LRRTM4: variants seen among roughly 807,000 people sequenced by gnomAD.
The protein encoded by LRRTM4 is leucine rich repeat transmembrane neuronal 4.
LRRTM4 carries 25 observed loss-of-function variants against 47.6 expected under a neutral mutation model. That is an observed-to-expected ratio of 0.53 (90% CI 0.38 to 0.73). LRRTM4 has a LOEUF of 0.73. LRRTM4 is among the 30% of genes least tolerant of loss of function. The probability of loss-of-function intolerance (pLI) is 0.00; values close to 1 mark genes in which losing one functional copy is unlikely to be tolerated. For missense variants in LRRTM4, 638 were observed against 713.4 expected (o/e 0.89, Z 1.20); for synonymous variants, 311 against 269.5 (o/e 1.15, Z -1.51).
chr2:76,780,338 T>A (rs1038123481), intron 3 of LRRTM4, among the ~76,000 whole-genome samples: 2 of 152,216 alleles, frequency 1.3e-5, no homozygotes, highest in Admixed American at 6.5e-5. Context: ...TTCTCCTGGA[T>A]AATCTCCTGC....
chr2:77,017,562 G>C (rs1376821389), intron 3 of LRRTM4, among the ~76,000 whole-genome samples: 1 of 152,080 alleles, frequency 6.6e-6, no homozygotes, highest in Non-Finnish European at 1.5e-5. Flanking sequence ...CATCTCTCAC[G>C]TGTTTGTGTA....
intron 3 of LRRTM4, among the ~76,000 whole-genome samples, chr2:76,913,311 T>TC (rs1674135122): frequency 6.6e-6 from 1 of 151,930 alleles, no homozygotes; most frequent in South Asian, 2.1e-4. Context: ...TACTGGGTAT[T>TC]TTTTTTTCTA....
chr2:77,237,908 G>C (rs1470938897), intron 3 of LRRTM4, among the ~76,000 whole-genome samples: 2 of 152,082 alleles, frequency 1.3e-5, no homozygotes, highest in African/African-American at 4.8e-5. Context: ...ACTGGCCATG[G>C]GGCTGGTTCT....
At chr2:77,010,078 G>T (rs1677811759) in intron 3 of LRRTM4, among the ~76,000 whole-genome samples, 2 of 151,702 alleles carry the variant, frequency 1.3e-5, no homozygotes, top group South Asian at 4.2e-4. Flanking sequence ...ATATGTTTTG[G>T]AATTGTTAAT....
At position 77,489,149 on chromosome 2, in the gene LRRTM4, T is replaced by G. The variant is rs965952022; in HGVS notation, c.1551+29169A>C. Among the ~76,000 whole-genome samples the G allele has an allele frequency of 2.0e-5, 3 of 152,200 alleles. 1 individual carries two copies. In the Middle Eastern group the frequency reaches 0.01, roughly 518 times the overall value. On this transcript the variant is annotated intron_variant, in intron 3 of 3. Coordinates refer to ENST00000409884, the MANE Select transcript of LRRTM4 (RefSeq NM_001134745.3). The stretch of plus-strand genomic sequence containing the variant: ...GCCAAATGGTCTCTATATATCTTGA[T>G]TTTTCAGTACTACTCTATGACGTTT...
intron 3 of LRRTM4, among the ~76,000 whole-genome samples, chr2:77,075,902 G>A (rs12623624): frequency 0.098 from 8,046 of 82,124 alleles, 459 homozygotes; most frequent in East Asian, 0.4. Context: ...GCGACAGAGC[G>A]AGACTCCGTC....
Position 77,051,804 on chromosome 2 carries a change from T to TC in LRRTM4, c.1552-302889dup, listed in dbSNP as rs200498750. Among the ~76,000 whole-genome samples the TC allele has an allele frequency of 8.8e-3, 1,335 of 152,294 alleles. 22 individuals carry two copies. The highest frequency in any genetic ancestry group is 0.03 in the African/African-American group (1,258 of 41,576). On this transcript the variant is annotated intron_variant, in intron 3 of 3. Transcript: ENST00000409884. ...GAGCACCTGAATAAAGACTTTTTTTTCACTCTATTTCACCTTGTCAAATAG... is the reference window on the plus strand; with the variant it reads ...GAGCACCTGAATAAAGACTTTTTTTTCCACTCTATTTCACCTTGTCAAATAG...
chr2:77,286,306 T>C (rs1176752354), intron 3 of LRRTM4, among the ~76,000 whole-genome samples: 1 of 152,068 alleles, frequency 6.6e-6, no homozygotes, highest in Non-Finnish European at 1.5e-5. Context: ...TTTAAACACA[T>C]ACAATATAAC....
chr2:77,102,926 A>G (rs1025643528), intron 3 of LRRTM4, among the ~76,000 whole-genome samples: 1 of 152,184 alleles, frequency 6.6e-6, no homozygotes, highest in African/African-American at 2.4e-5. Context: ...GATTGAGGTG[A>G]GTCTCTGTGT....
At chr2:76,824,888 G>T (rs1671149860) in intron 3 of LRRTM4, among the ~76,000 whole-genome samples, 1 of 151,632 alleles carries the variant, frequency 6.6e-6, no homozygotes, top group South Asian at 2.1e-4. Flanking sequence ...GGGAACAAAA[G>T]TAATCAGGAC....
Position 76,977,013 on chromosome 2 carries a change from G to C in LRRTM4, c.1552-228097C>G, listed in dbSNP as rs574593108. ...CAGAAAAAAAGCATTAATAGGCTGTGTGTGTTTGTGTGTGTTTACATGTGT... is the reference window on the plus strand; with the variant it reads ...CAGAAAAAAAGCATTAATAGGCTGTCTGTGTTTGTGTGTGTTTACATGTGT... On this transcript the variant is annotated intron_variant, in intron 3 of 3. Transcript: ENST00000409884. Among the ~76,000 whole-genome samples the C allele has an allele frequency of 2.4e-4, 34 of 139,660 alleles. No individual in the cohort carries two copies. In the East Asian group the frequency reaches 6.5e-3, roughly 27 times the overall value. The allele number at this position is 139,660 out of a possible 152,430, so 91.6% of individuals were successfully genotyped here. A position where few individuals can be genotyped will look rare whatever the true frequency, so the allele number is the denominator to read the frequency against.
intron 3 of LRRTM4, among the ~76,000 whole-genome samples, chr2:76,898,413 A>C (rs1673496747): frequency 6.6e-6 from 1 of 151,994 alleles, no homozygotes; most frequent in Non-Finnish European, 1.5e-5. Flanking sequence ...AGAAAGGAGT[A>C]ATCTCGAAAC....
chr2:77,068,869 G>T (rs1338435830), intron 3 of LRRTM4, among the ~76,000 whole-genome samples: 2 of 151,992 alleles, frequency 1.3e-5, no homozygotes, highest in South Asian at 2.1e-4. Flanking sequence ...CGGAATGAGG[G>T]CAAGGAACAC....
intron 3 of LRRTM4, among the ~76,000 whole-genome samples, chr2:77,231,417 C>G (rs771054587): frequency 6.6e-6 from 1 of 152,170 alleles, no homozygotes. Context: ...GATTAGCAAA[C>G]TATATCTGGC....
At chr2:77,210,016 T>A (rs776544456) in intron 3 of LRRTM4, among the ~76,000 whole-genome samples, 10 of 152,206 alleles carry the variant, frequency 6.6e-5, no homozygotes, top group Non-Finnish European at 1.2e-4. Context: ...TACTGAGCAT[T>A]ACACTTTTCA....
chr2:77,205,620 A>G (rs998773282), intron 3 of LRRTM4, among the ~76,000 whole-genome samples: 4 of 152,156 alleles, frequency 2.6e-5, no homozygotes, highest in African/African-American at 7.2e-5. Flanking sequence ...GAGAGGTCAG[A>G]GAGGAAGGAC....
intron 3 of LRRTM4, among the ~76,000 whole-genome samples, chr2:76,802,951 C>G (rs1193751861): frequency 1.3e-5 from 2 of 151,948 alleles, no homozygotes; most frequent in Admixed American, 6.6e-5. Context: ...AAAATAAACT[C>G]AAAATTGATT....
At chr2:76,814,240 AG>A (rs1372943615) in intron 3 of LRRTM4, among the ~76,000 whole-genome samples, 1 of 152,126 alleles carries the variant, frequency 6.6e-6, no homozygotes, top group African/African-American at 2.4e-5. Context: ...TTATATAATA[AG>A]ATATAAAGAA....
intron 3 of LRRTM4, among the ~76,000 whole-genome samples, chr2:76,833,641 T>C (rs763459907): frequency 9.9e-5 from 15 of 152,040 alleles, no homozygotes; most frequent in Non-Finnish European, 2.1e-4. Flanking sequence ...TAAATACATA[T>C]TTGTAAAATT....
Sources: allele counts gnomAD v4.1 joint callset (sites outside exome capture counted in the v4.1 genomes callset), GRCh38; gene constraint gnomAD v4.1.1; transcripts MANE v1.5; gene names NCBI Gene and HGNC (gene_info 2026-07-23, HGNC 2026-07-21).